Variants in TENT5D observed in about 807,000 individuals in gnomAD.
TENT5D encodes cancer/testis antigen 112.
For synonymous variants in TENT5D, 103 were observed against 100.6 expected (o/e 1.02, Z -0.15); for missense variants, 191 against 287.0 (o/e 0.67, Z 2.42).
At chrX:80,431,984 A>T (rs913706883) in intron 1 of TENT5D, among the ~76,000 whole-genome samples, 7 of 110,869 alleles carry the variant, frequency 6.3e-5, no homozygotes, top group African/African-American at 2.3e-4. Context: ...TTTCAGATAA[A>T]TAGGTTTTCT....
chrX:80,343,894 A>T (rs1341422597), intron 3 of TENT5D, among the ~76,000 whole-genome samples: 1 of 111,113 alleles, frequency 9.0e-6, no homozygotes, highest in Non-Finnish European at 1.9e-5. Flanking sequence ...TTATTTTGTT[A>T]CCTGGTAGAG....
chrX:80,360,216 G>A (rs143482142), intron 3 of TENT5D, among the ~76,000 whole-genome samples: 285 of 112,121 alleles, frequency 2.5e-3, no homozygotes, highest in African/African-American at 8.5e-3. Context: ...AATGGCCAGA[G>A]AACTAGACAA....
intron 3 of TENT5D, among the ~76,000 whole-genome samples, chrX:80,358,074 C>G (rs1930325823): frequency 8.9e-6 from 1 of 111,757 alleles, no homozygotes; most frequent in Non-Finnish European, 1.9e-5. Flanking sequence ...AAAGGATTCC[C>G]TATTTAATAA....
chrX:80,396,582 G>T (rs992394635), intron 3 of TENT5D, among the ~76,000 whole-genome samples: 1 of 110,411 alleles, frequency 9.1e-6, no homozygotes, highest in South Asian at 3.9e-4. Flanking sequence ...GAGGGCACAG[G>T]GTTGAGGGTA....
At chrX:80,406,845 A>G (rs1187666565) in intron 3 of TENT5D, among the ~76,000 whole-genome samples, 2 of 87,684 alleles carry the variant, frequency 2.3e-5, no homozygotes, top group Non-Finnish European at 4.5e-5. Flanking sequence ...AAGGGCAGCC[A>G]GAGAGAAAGG....
At chrX:80,408,819 C>T (rs1438257471) in intron 3 of TENT5D, among the ~76,000 whole-genome samples, 1 of 110,816 alleles carries the variant, frequency 9.0e-6, no homozygotes, top group Non-Finnish European at 1.9e-5. Flanking sequence ...AGATCAATAT[C>T]CTTGATGAAC....
intron 3 of TENT5D, among the ~76,000 whole-genome samples, chrX:80,405,063 G>C (rs1039104523): frequency 1.3e-4 from 14 of 111,798 alleles, no homozygotes; most frequent in African/African-American, 3.9e-4. Flanking sequence ...AACAGAACCC[G>C]AGGGGAAAAA....
chrX:80,344,262 G>C (rs773049718), intron 3 of TENT5D, among the ~76,000 whole-genome samples: 1 of 110,490 alleles, frequency 9.1e-6, no homozygotes, highest in African/African-American at 3.3e-5. Context: ...GTTAACATAT[G>C]AGTGCATGGG....
intron 3 of TENT5D, among the ~76,000 whole-genome samples, chrX:80,393,183 T>C (rs1283975754): frequency 9.0e-6 from 1 of 111,511 alleles, no homozygotes; most frequent in African/African-American, 3.3e-5. Flanking sequence ...TCTGAGCTTC[T>C]TGAATCTGTG....
chrX:80,349,963 G>A (rs1410294277), intron 3 of TENT5D, among the ~76,000 whole-genome samples: 1 of 111,425 alleles, frequency 9.0e-6, no homozygotes, highest in Admixed American at 9.5e-5. Context: ...GTGCAGTTTT[G>A]AGTGAGTTTC....
chrX:80,437,235 A>G (rs1021156209), intron 1 of TENT5D, among the ~76,000 whole-genome samples: 7 of 112,106 alleles, frequency 6.2e-5, no homozygotes, highest in Non-Finnish European at 1.9e-5. Flanking sequence ...TACATTTTTC[A>G]TCATGGAGCC....
chrX:80,427,222 G>A (rs1932003816), intron 1 of TENT5D, among the ~76,000 whole-genome samples: 1 of 111,524 alleles, frequency 9.0e-6, no homozygotes, highest in Non-Finnish European at 1.9e-5. Context: ...AACTTGGTAA[G>A]TTGTTATAAT....
At chrX:80,401,638 T>C (rs1196625102) in intron 3 of TENT5D, among the ~76,000 whole-genome samples, 4 of 112,000 alleles carry the variant, frequency 3.6e-5, no homozygotes, top group Non-Finnish European at 7.5e-5. Flanking sequence ...AATTTTGTCA[T>C]TTTTTCTGCA....
intron 3 of TENT5D, among the ~76,000 whole-genome samples, chrX:80,362,781 T>C (rs979845253): frequency 1.8e-5 from 2 of 111,717 alleles, no homozygotes; most frequent in Non-Finnish European, 3.8e-5. Context: ...CACTGCTCTT[T>C]TTAAAGATTG....
At chrX:80,376,547 C>T (rs1569361359) in intron 3 of TENT5D, among the ~76,000 whole-genome samples, 1 of 111,466 alleles carries the variant, frequency 9.0e-6, no homozygotes, top group African/African-American at 3.3e-5. Flanking sequence ...TTTTAAAAAA[C>T]TATTTTTAAA....
At chrX:80,431,008 CTA>C (rs1396120552) in intron 1 of TENT5D, among the ~76,000 whole-genome samples, 1 of 111,635 alleles carries the variant, frequency 9.0e-6, no homozygotes, top group Non-Finnish European at 1.9e-5. Context: ...TGTTTTAATA[CTA>C]TCTCTGGCTT....
chrX:80,359,129 G>A (rs956500546), intron 3 of TENT5D, among the ~76,000 whole-genome samples: 20 of 112,213 alleles, frequency 1.8e-4, no homozygotes, highest in African/African-American at 6.2e-4. Flanking sequence ...AGTTAGAATG[G>A]CAATCATTGA....
chrX:80,432,982 G>A (rs936272553), intron 1 of TENT5D, among the ~76,000 whole-genome samples: 1 of 111,006 alleles, frequency 9.0e-6, no homozygotes, highest in African/African-American at 3.3e-5. Flanking sequence ...TACTTAGCTT[G>A]GCCTGGACCT....
In TENT5D at chrX:80,361,843, T is replaced by A. The variant is rs748899278; in HGVS notation, c.-142+19279T>A. Reference sequence around the variant, plus strand: ...ATTATTTATTCATTTAAATTTCAACTTTTATTTTAGATTCAGGTGCTGCAT... The same window carrying A: ...ATTATTTATTCATTTAAATTTCAACATTTATTTTAGATTCAGGTGCTGCAT... On this transcript the variant is annotated intron_variant, in intron 3 of 4. Coordinates refer to the TENT5D transcript ENST00000538312. 2.4e-4 allele frequency among the ~76,000 whole-genome samples: 27 copies of A among 111,985 alleles called. No individual in the cohort carries two copies. The Admixed American group carries it at 2.6e-3, about 11-fold the overall frequency.
Sources: allele counts gnomAD v4.1 joint callset (sites outside exome capture counted in the v4.1 genomes callset), GRCh38; gene constraint gnomAD v4.1.1; transcripts MANE v1.5; gene names NCBI Gene and HGNC (gene_info 2026-07-23, HGNC 2026-07-21).